The following MACROD2 variants were observed in gnomAD, a reference collection of about 807,000 sequenced individuals.
MACROD2 encodes ADP-ribose glycohydrolase MACROD2.
MACROD2 carries 36 observed loss-of-function variants against 70.4 expected under a neutral mutation model. That is an observed-to-expected ratio of 0.51 (90% CI 0.39 to 0.68). MACROD2 has a LOEUF of 0.68. Ranked by LOEUF, MACROD2 falls within the 30% of genes least tolerant of loss-of-function variation. The pLI, the probability that MACROD2 is intolerant of heterozygous loss-of-function variation, is 0.00. For missense variants in MACROD2, 496 were observed against 538.4 expected (o/e 0.92, Z 0.78); for synonymous variants, 172 against 178.8 (o/e 0.96, Z 0.30).
intron 5 of MACROD2, among the ~76,000 whole-genome samples, chr20:15,035,552 C>G (rs187843728): frequency 6.6e-6 from 1 of 152,270 alleles, no homozygotes; most frequent in Non-Finnish European, 1.5e-5. Context: ...CTTTCCCCAC[C>G]CATCTGCACT....
At chr20:15,179,046 G>T (rs2076482081) in intron 5 of MACROD2, among the ~76,000 whole-genome samples, 1 of 152,144 alleles carries the variant, frequency 6.6e-6, no homozygotes, top group Non-Finnish European at 1.5e-5. Context: ...ATAAGCCTGA[G>T]GTTACTTTAG....
chr20:14,448,089 A>G (rs368372780), intron 3 of MACROD2, among the ~76,000 whole-genome samples: 22 of 151,740 alleles, frequency 1.4e-4, no homozygotes, highest in African/African-American at 5.1e-4. Context: ...ATTTTACAAT[A>G]GTATTAGTCA....
At chr20:15,140,442 C>A (rs1657957) in intron 5 of MACROD2, among the ~76,000 whole-genome samples, 88,202 of 151,944 alleles carry the variant, frequency 0.58, 25,696 homozygotes, top group East Asian at 0.6. Context: ...TATGTATAAC[C>A]GAGATGAAAA....
intron 5 of MACROD2, among the ~76,000 whole-genome samples, chr20:14,998,210 T>C (rs1182024353): frequency 2.0e-5 from 3 of 152,122 alleles, no homozygotes; most frequent in African/African-American, 7.2e-5. Context: ...TGCTCAGACA[T>C]TGACAAACAG....
At chr20:15,918,908 A>G (rs2065360021) in intron 10 of MACROD2, among the ~76,000 whole-genome samples, 1 of 152,150 alleles carries the variant, frequency 6.6e-6, no homozygotes, top group South Asian at 2.1e-4. Flanking sequence ...GGGGCTCTGC[A>G]TGTTAAATAA....
chr20:14,690,371 G>A (rs2071049274), intron 5 of MACROD2, among the ~76,000 whole-genome samples: 1 of 152,198 alleles, frequency 6.6e-6, no homozygotes, highest in Admixed American at 6.5e-5. Flanking sequence ...AGCATAATAT[G>A]TTTGAATGAG....
chr20:15,004,992 G>A (rs2075024583), intron 5 of MACROD2, among the ~76,000 whole-genome samples: 1 of 152,118 alleles, frequency 6.6e-6, no homozygotes, highest in Non-Finnish European at 1.5e-5. Context: ...ATTGCTCTCT[G>A]AAAGTTATTT....
chr20:14,483,669 G>C (rs1054282151), intron 3 of MACROD2, among the ~76,000 whole-genome samples: 1 of 152,208 alleles, frequency 6.6e-6, no homozygotes, highest in Non-Finnish European at 1.5e-5. Context: ...GCCTCCCAAA[G>C]TGCTGAGATT....
intron 5 of MACROD2, among the ~76,000 whole-genome samples, chr20:14,711,916 T>G (rs920392299): frequency 1.3e-5 from 2 of 152,198 alleles, no homozygotes; most frequent in Non-Finnish European, 2.9e-5. Context: ...GCTAGCTAAG[T>G]CCCTGTTAGT....
chr20:15,610,797 C>A (rs2048956250), intron 8 of MACROD2, among the ~76,000 whole-genome samples: 1 of 151,978 alleles, frequency 6.6e-6, no homozygotes. Flanking sequence ...GTTCTCCAAC[C>A]TCTAAATCGG....
intron 4 of MACROD2, among the ~76,000 whole-genome samples, chr20:14,679,361 G>T (rs2070901920): frequency 6.6e-6 from 1 of 152,142 alleles, no homozygotes; most frequent in Non-Finnish European, 1.5e-5. Flanking sequence ...AGGACGTCAT[G>T]GTGCCTTTAG....
At chr20:16,042,478 G>A (rs910205137) in intron 16 of MACROD2, among the ~76,000 whole-genome samples, 4 of 152,020 alleles carry the variant, frequency 2.6e-5, no homozygotes, top group African/African-American at 9.7e-5. Context: ...ACCATACACA[G>A]CAGAGGATTG....
intron 6 of MACROD2, among the ~76,000 whole-genome samples, chr20:15,284,005 C>T (rs2077469536): frequency 6.6e-6 from 1 of 151,862 alleles, no homozygotes; most frequent in African/African-American, 2.4e-5. Flanking sequence ...TAAATATCAC[C>T]GTATATATAT....
chr20:14,089,460 C>T (rs918596166), intron 3 of MACROD2, among the ~76,000 whole-genome samples: 1 of 152,196 alleles, frequency 6.6e-6, no homozygotes, highest in Non-Finnish European at 1.5e-5. Context: ...CTGAAGTTCT[C>T]ATGACCATAT....
At chr20:14,425,332 AC>A (rs1415241723) in intron 3 of MACROD2, among the ~76,000 whole-genome samples, 1 of 152,116 alleles carries the variant, frequency 6.6e-6, no homozygotes. Flanking sequence ...AATATACCAG[AC>A]TTTCTCCACC....
chr20:15,520,091 A>G (rs764943844), intron 8 of MACROD2, among the ~76,000 whole-genome samples: 5 of 152,264 alleles, frequency 3.3e-5, no homozygotes, highest in African/African-American at 4.8e-5. Flanking sequence ...TCATAGAAAA[A>G]TGAAAACTTA....
intron 5 of MACROD2, among the ~76,000 whole-genome samples, chr20:15,078,558 TA>T (rs140319530): frequency 4.6e-5 from 7 of 152,062 alleles, no homozygotes; most frequent in Admixed American, 3.3e-4. Flanking sequence ...GAGAGAGATA[TA>T]AAAAAAATCT....
chr20:14,080,705 G>A (rs117145433), intron 2 of MACROD2, among the ~76,000 whole-genome samples: 2,467 of 151,192 alleles, frequency 0.016, 40 homozygotes, highest in Non-Finnish European at 0.026. Context: ...TTAGCTTTCC[G>A]TTGTCAACCT....
At chr20:15,842,295 G>C (rs2064179824) in intron 8 of MACROD2, among the ~76,000 whole-genome samples, 1 of 151,978 alleles carries the variant, frequency 6.6e-6, no homozygotes, top group African/African-American at 2.4e-5. Flanking sequence ...GGAGCTGTTG[G>C]GAAAGGGACA....
Sources: allele counts gnomAD v4.1 joint callset (sites outside exome capture counted in the v4.1 genomes callset), GRCh38; gene constraint gnomAD v4.1.1; transcripts MANE v1.5; gene names NCBI Gene and HGNC (gene_info 2026-07-23, HGNC 2026-07-21).